CLIC5: variants seen among roughly 807,000 people sequenced by gnomAD.
CLIC5 encodes chloride intracellular channel protein 5.
A neutral mutation model predicts 24.7 loss-of-function variants in CLIC5; 20 were observed. The ratio of observed to expected loss-of-function variants is 0.81; its 90% CI spans 0.57 to 1.18. The LOEUF is 1.18. Ranked by LOEUF, CLIC5 falls within the 50% of genes most tolerant of loss-of-function variation. The pLI, the probability that CLIC5 is intolerant of heterozygous loss-of-function variation, is 0.00. For synonymous variants in CLIC5, 159 were observed against 135.6 expected (o/e 1.17, Z -1.20); for missense variants, 341 against 326.1 (o/e 1.05, Z -0.35).
At chr6:46,043,098 C>CAT (rs1264126365) in intron 1 of CLIC5, among the ~76,000 whole-genome samples, 1 of 152,154 alleles carries the variant, frequency 6.6e-6, no homozygotes, top group Non-Finnish European at 1.5e-5. Flanking sequence ...ATAAATCACT[C>CAT]CTAATGACTT....
chr6:45,977,752 C>T (rs540977366), intron 1 of CLIC5, among the ~76,000 whole-genome samples: 1 of 152,302 alleles, frequency 6.6e-6, no homozygotes, highest in Admixed American at 6.5e-5. Flanking sequence ...CATTATCTGT[C>T]TCTACTTTCA....
At chr6:46,011,435 G>A (rs1766806065) in intron 1 of CLIC5, among the ~76,000 whole-genome samples, 1 of 152,184 alleles carries the variant, frequency 6.6e-6, no homozygotes, top group South Asian at 2.1e-4. Context: ...ACCTGAGAGT[G>A]GATATGAAAA....
intron 1 of CLIC5, among the ~76,000 whole-genome samples, chr6:45,957,168 G>A (rs1185020982): frequency 1.3e-5 from 2 of 152,178 alleles, no homozygotes; most frequent in Non-Finnish European, 2.9e-5. Context: ...TCTGGTGGTG[G>A]TGGTGGGAGG....
chr6:46,011,085 A>G (rs553344158), intron 1 of CLIC5, among the ~76,000 whole-genome samples: 1 of 152,280 alleles, frequency 6.6e-6, no homozygotes, highest in Non-Finnish European at 1.5e-5. Context: ...CAATAAATGA[A>G]AGACTAGTCG....
At chr6:46,052,563 C>T (rs1413995861) in intron 1 of CLIC5, among the ~76,000 whole-genome samples, 1 of 152,288 alleles carries the variant, frequency 6.6e-6, no homozygotes, top group Middle Eastern at 3.4e-3. Context: ...GGTGGGGGCC[C>T]TGTTCTTTTC....
intron 1 of CLIC5, among the ~76,000 whole-genome samples, chr6:46,059,458 T>A (rs1327719939): frequency 6.6e-6 from 1 of 152,252 alleles, no homozygotes; most frequent in Non-Finnish European, 1.5e-5. Context: ...GCAGGAAGTT[T>A]TGCCTCTTTC....
intron 1 of CLIC5, among the ~76,000 whole-genome samples, chr6:46,035,665 T>C (rs1421697085): frequency 6.6e-6 from 1 of 152,242 alleles, no homozygotes; most frequent in Non-Finnish European, 1.5e-5. Flanking sequence ...CAACTTACTC[T>C]AAAGGACAAT....
At chr6:46,096,845 T>C in the CLIC5 span, among the ~76,000 whole-genome samples, 1 of 152,316 alleles carries the variant, frequency 6.6e-6, no homozygotes, top group African/African-American at 2.4e-5. Flanking sequence ...ATTTAATTTC[T>C]TTTATATGAA....
At chr6:45,967,024 A>G (rs1230147165) in intron 1 of CLIC5, among the ~76,000 whole-genome samples, 2 of 152,254 alleles carry the variant, frequency 1.3e-5, no homozygotes, top group Admixed American at 6.5e-5. Flanking sequence ...GGTCAACCAC[A>G]GGCCATATGT....
the CLIC5 span, among the ~76,000 whole-genome samples, chr6:46,096,188 C>T: frequency 6.6e-6 from 1 of 152,160 alleles, no homozygotes; most frequent in African/African-American, 2.4e-5. Flanking sequence ...CTCACTCACT[C>T]GCAATGGAAC....
intron 5 of CLIC5, chr6:45,912,355 A>G (rs1344688465): frequency 2.0e-6 from 2 of 1,022,530 alleles, no homozygotes; most frequent in Non-Finnish European, 2.3e-6. Context: ...AATTTTCTCC[A>G]AGGACAGGGC....
chr6:46,088,061 T>G, the CLIC5 span, among the ~76,000 whole-genome samples: 1 of 152,088 alleles, frequency 6.6e-6, no homozygotes, highest in South Asian at 2.1e-4. Flanking sequence ...TTTTGGGATT[T>G]TATCATTTAG....
At chr6:45,986,495 G>A (rs1306567889) in intron 1 of CLIC5, among the ~76,000 whole-genome samples, 2 of 152,206 alleles carry the variant, frequency 1.3e-5, no homozygotes, top group East Asian at 3.9e-4. Flanking sequence ...AAATGGAAAG[G>A]GTAGAATTGT....
intron 1 of CLIC5, among the ~76,000 whole-genome samples, chr6:46,068,021 C>T (rs1176248014): frequency 6.6e-6 from 1 of 152,020 alleles, no homozygotes; most frequent in Non-Finnish European, 1.5e-5. Context: ...TTAAGGTGGC[C>T]CTATATCCAA....
chr6:45,994,556 C>T (rs1241901638), intron 1 of CLIC5, among the ~76,000 whole-genome samples: 3 of 152,104 alleles, frequency 2.0e-5, no homozygotes, highest in Middle Eastern at 3.2e-3. Context: ...CACCATGGCA[C>T]ATGTATACCT....
chr6:46,126,671 A>G, the CLIC5 span, among the ~76,000 whole-genome samples: 1 of 152,236 alleles, frequency 6.6e-6, no homozygotes, highest in Non-Finnish European at 1.5e-5. Flanking sequence ...TAAAATCTGT[A>G]TTACTTAAAC....
chr6:46,088,611 A>C, the CLIC5 span, among the ~76,000 whole-genome samples: 1 of 152,232 alleles, frequency 6.6e-6, no homozygotes, highest in Non-Finnish European at 1.5e-5. Context: ...ATAAGTATCT[A>C]TATTTTTAAA....
intron 5 of CLIC5, among the ~76,000 whole-genome samples, chr6:45,906,170 C>T (rs904255765): frequency 2.2e-4 from 34 of 152,184 alleles, no homozygotes; most frequent in African/African-American, 7.0e-4. Context: ...GTTCTTTTTG[C>T]GTAGGGTGGC....
At chr6:46,080,491 T>C, upstream of CLIC5, 1 of 458,102 alleles carries the variant, frequency 2.2e-6, no homozygotes, top group South Asian at 5.1e-5. Flanking sequence ...AAAGATATTT[T>C]TATTAGACCC....
Sources: allele counts gnomAD v4.1 joint callset (sites outside exome capture counted in the v4.1 genomes callset), GRCh38; gene constraint gnomAD v4.1.1; transcripts MANE v1.5; gene names NCBI Gene and HGNC (gene_info 2026-07-23, HGNC 2026-07-21).